ZNF462: variants seen among roughly 807,000 people sequenced by gnomAD.
ZNF462 encodes zinc finger PBX1-interacting protein.
ZNF462 carries 10 observed loss-of-function variants against 201.9 expected under a neutral mutation model. The ratio of observed to expected loss-of-function variants is 0.05; its 90% CI spans 0.03 to 0.08. ZNF462 has a LOEUF of 0.08. Among genes scored for constraint, ZNF462 ranks in the 10% least tolerant of loss-of-function variants. The probability of loss-of-function intolerance (pLI) is 1.00; values close to 1 mark genes in which losing one functional copy is unlikely to be tolerated. For missense variants in ZNF462, 2,523 were observed against 3,168.3 expected, an observed-to-expected ratio of 0.80 and a Z score of 4.89; for synonymous variants, 1,227 against 1,193.3, an observed-to-expected ratio of 1.03 and a Z score of -0.58.
Position 106,972,347 on chromosome 9 carries a change from AC to A in ZNF462, c.6695+76del, listed in dbSNP as rs1826666031. 1 of 1,544,592 alleles carries A rather than the reference AC, an allele frequency of 6.5e-7. No homozygotes were observed. The highest frequency in any genetic ancestry group is 1.3e-5 in the South Asian group (1 of 78,530). ...CCACCCCTCACTGCAGGCTTCCCTT[AC>A]ACTTTCCTACTTGGAGCTTATGGGA... On this transcript the variant is annotated intron_variant, in intron 8 of 12. Transcript: ENST00000277225. The surrounding 1 kb of genome is among the most constrained non-coding windows in gnomAD (Gnocchi z 4.8).
intron 5 of ZNF462, among the ~76,000 whole-genome samples, chr9:106,934,220 A>G (rs1190487923): frequency 6.6e-6 from 1 of 151,958 alleles, no homozygotes; most frequent in African/African-American, 2.4e-5. Flanking sequence ...TAATTTGCCC[A>G]AGGACACACA....
rs765228584 is a variant in ZNF462 at position 106,928,817 on chromosome 9, T to TGAG, written c.4913_4915dup (p.Glu1638dup). ...TGAGCCCTTCCCAAGTCTCCATCAC[T>TGAG]GAGGAGGAGGTGGGAGAGGAGCCCG... On this transcript the variant is annotated inframe_insertion, in exon 3 of 13. Transcript: ENST00000277225. The surrounding 1 kb of genome is among the most constrained non-coding windows in gnomAD (Gnocchi z 9.3). 2.2e-5 allele frequency: 35 copies of TGAG among 1,614,020 alleles called. No homozygotes were observed. The Middle Eastern group carries it at 4.9e-4, about 23-fold the overall frequency.
At chr9:106,887,089 G>A (rs1213655474) in intron 1 of ZNF462, among the ~76,000 whole-genome samples, 1 of 152,178 alleles carries the variant, frequency 6.6e-6, no homozygotes, top group Non-Finnish European at 1.5e-5. Flanking sequence ...TTAGTCAAGG[G>A]CAGAGAATCT....
Position 106,972,092 on chromosome 9 carries a change from G to T in ZNF462, c.6515G>T (p.Ser2172Ile). The change falls in exon 8 of 13, where the codon AGC (serine) becomes ATC (isoleucine). Residue 2172 changes from serine (S) to isoleucine (I), a missense_variant. This residue lies in a region of ZNF462 where 138 missense variants were observed against 146.3 expected (regional missense o/e 0.94). Coordinates refer to ENST00000277225, the MANE Select transcript of ZNF462 (RefSeq NM_021224.6). The surrounding 1 kb of genome is among the most constrained non-coding windows in gnomAD (Gnocchi z 4.8). ...CTGGCAAGGAACAACAGCCGTGTTAGCCCTGTGCCTCTTTCTGGGGCTGCT... is the reference window on the plus strand; with the variant it reads ...CTGGCAAGGAACAACAGCCGTGTTATCCCTGTGCCTCTTTCTGGGGCTGCT... ...AALARNNSRVSPVPLSGAAAG... is the reference protein window; with the variant it reads ...AALARNNSRVIPVPLSGAAAG... 1 of 1,614,178 alleles carries T rather than the reference G, an allele frequency of 6.2e-7. No individual in the cohort carries two copies. Among genetic ancestry groups the T allele is most frequent in the Non-Finnish European group, 8.5e-7 (1 of 1,180,020 alleles).
chr9:106,975,190 T>C (rs1310837971), intron 9 of ZNF462: 1 of 152,210 alleles, frequency 6.6e-6, no homozygotes, highest in Non-Finnish European at 1.5e-5. Flanking sequence ...GATCTTTCCA[T>C]CTACTTCATT....
rs1220905124 is a variant in ZNF462, at chr9:107,009,889, A to G, written c.7313+221A>G. Among the ~76,000 whole-genome samples the G allele has an allele frequency of 1.3e-5, 2 of 152,192 alleles. No individual in the cohort carries two copies. The highest frequency in any genetic ancestry group is 2.9e-5 in the Non-Finnish European group (2 of 68,040). ...TCAAATAGGGAAAAAAATCGTCTTT[A>G]TGAATGATCAGTCCTGCTCAAGCCT... On this transcript the variant is annotated intron_variant, in intron 12 of 12. Transcript: ENST00000277225. The surrounding 1 kb of genome is among the most constrained non-coding windows in gnomAD (Gnocchi z 6.1).
chr9:106,984,074 G>T lies in ZNF462; in HGVS notation c.6833-112G>T. Reference sequence around the variant, plus strand: ...GCATGTGTGTCAGTTCAAGGAACCAGATCCACGAGGAGCAGCAAGATTGGG... The same window carrying T: ...GCATGTGTGTCAGTTCAAGGAACCATATCCACGAGGAGCAGCAAGATTGGG... On this transcript the variant is annotated intron_variant, in intron 9 of 12. Coordinates refer to ENST00000277225, the MANE Select transcript of ZNF462 (RefSeq NM_021224.6). This position sits in a 1 kb window ranked among gnomAD's most constrained non-coding sequence, Gnocchi z 6.4. 1 of 971,782 alleles carries T rather than the reference G, an allele frequency of 1.0e-6. No homozygotes were observed. 60.2% of individuals were successfully genotyped at this position (971,782 alleles called of 1,614,324 possible). A position where few individuals can be genotyped will look rare whatever the true frequency, so the allele number is the denominator to read the frequency against.
chr9:106,991,839 T>C (rs7848186), intron 10 of ZNF462, among the ~76,000 whole-genome samples: 8,219 of 136,392 alleles, frequency 0.06, 611 homozygotes, highest in African/African-American at 0.17. Context: ...CAGCACTCTC[T>C]ACACACACAC....
Position 106,898,436 on chromosome 9 carries a change from AT to A in ZNF462, c.-30-24915del, listed in dbSNP as rs1418693010. On this transcript the variant is annotated intron_variant, in intron 1 of 12. Coordinates refer to ENST00000277225, the MANE Select transcript of ZNF462 (RefSeq NM_021224.6). ...CCCTTCTGGAGGTGGAGGGGGGGTCATTTGGTAGTGTCTCCAGAGAGACAGT... is the reference window on the plus strand; with the variant it reads ...CCCTTCTGGAGGTGGAGGGGGGGTCATTGGTAGTGTCTCCAGAGAGACAGT... Among the ~76,000 whole-genome samples, 11 of 152,104 alleles carry A rather than the reference AT, an allele frequency of 7.2e-5. No individual in the cohort carries two copies. In the South Asian group the frequency reaches 2.3e-3, roughly 32 times the overall value.
chr9:106,972,327 C>T lies in ZNF462; in HGVS notation c.6695+55C>T. 1 of 1,572,522 alleles carries T rather than the reference C, an allele frequency of 6.4e-7. No individual in the cohort carries two copies. Among genetic ancestry groups the T allele is most frequent in the Non-Finnish European group, 8.6e-7 (1 of 1,159,052 alleles). On this transcript the variant is annotated intron_variant, in intron 8 of 12. Transcript: ENST00000277225. This position sits in a 1 kb window ranked among gnomAD's most constrained non-coding sequence, Gnocchi z 4.8. The stretch of plus-strand genomic sequence containing the variant: ...ACAAGGCGGCCGCCCCTGCTCCACC[C>T]CTCACTGCAGGCTTCCCTTACACTT...
chr9:106,913,774 G>T lies in ZNF462; in HGVS notation c.-30-9580G>T, dbSNP rs1829651604. On this transcript the variant is annotated intron_variant, in intron 1 of 12. Coordinates refer to ENST00000277225, the MANE Select transcript of ZNF462 (RefSeq NM_021224.6). This position sits in a 1 kb window ranked among gnomAD's most constrained non-coding sequence, Gnocchi z 4.1. Reference sequence around the variant, plus strand: ...CACCAAGCCCGGCTAATTTTTGTGTGTGTTTTTAATAGAGAAGAGGTTTTA... The same window carrying T: ...CACCAAGCCCGGCTAATTTTTGTGTTTGTTTTTAATAGAGAAGAGGTTTTA... Among the ~76,000 whole-genome samples, 1 of 150,196 alleles carries T rather than the reference G, an allele frequency of 6.7e-6. No homozygotes were observed. Among genetic ancestry groups the T allele is most frequent in the Non-Finnish European group, 1.5e-5 (1 of 67,278 alleles).
At chr9:106,915,020 G>T (rs1443934085) in intron 1 of ZNF462, among the ~76,000 whole-genome samples, 1 of 152,046 alleles carries the variant, frequency 6.6e-6, no homozygotes, top group African/African-American at 2.4e-5. Flanking sequence ...CAGGTCCTTT[G>T]TACAAAAAGG....
Position 106,930,582 on chromosome 9 carries a change from A to C in ZNF462, c.5905A>C (p.Lys1969Gln). 6.2e-7 allele frequency: 1 copy of C among 1,614,192 alleles called. No individual in the cohort carries two copies. The highest frequency in any genetic ancestry group is 2.2e-5 in the East Asian group (1 of 44,884). The change falls in exon 4 of 13, where the codon AAA (lysine) becomes CAA (glutamine). Residue 1969 changes from lysine to glutamine, a missense_variant. By Grantham distance (53) the Lys-to-Gln change is moderately conservative. Transcript: ENST00000277225. This position sits in a 1 kb window ranked among gnomAD's most constrained non-coding sequence, Gnocchi z 5.8. ...KIKERKVVGYKCKFCVEVHPT... is the reference protein window; with the variant it reads ...KIKERKVVGYQCKFCVEVHPT... Reference sequence around the variant, plus strand: ...CAAGGAGAGGAAAGTGGTGGGCTACAAATGTAAATTCTGTGTGGAAGTGCA... The same window carrying C: ...CAAGGAGAGGAAAGTGGTGGGCTACCAATGTAAATTCTGTGTGGAAGTGCA...
Position 106,868,492 on chromosome 9 carries a change from T to C in ZNF462, c.-31+5137T>C, listed in dbSNP as rs73668703. Among the ~76,000 whole-genome samples the C allele has an allele frequency of 3.6e-3, 549 of 152,352 alleles. 4 individuals carry two copies. Among genetic ancestry groups the C allele is most frequent in the African/African-American group, 0.012 (518 of 41,582 alleles). ...TGAGGAGCAAAAATATTATTTCTCA[T>C]GCAGAAATTACCAAAATTATTTTAA... On this transcript the variant is annotated intron_variant, in intron 1 of 12. Transcript: ENST00000277225.
intron 1 of ZNF462, among the ~76,000 whole-genome samples, chr9:106,912,618 A>AT (rs892327329): frequency 3.3e-5 from 5 of 151,958 alleles, no homozygotes; most frequent in Admixed American, 1.3e-4. Flanking sequence ...AATTCAAAAG[A>AT]TTTTTTTTCT....
rs142173420 is a variant in ZNF462 at position 106,926,627 on chromosome 9, T to C, written c.2715T>C (p.Tyr905=). 24 of 1,613,986 alleles carry C rather than the reference T, an allele frequency of 1.5e-5. No homozygotes were observed. Among genetic ancestry groups the C allele is most frequent in the Non-Finnish European group, 2.0e-5 (24 of 1,180,038 alleles). The change falls in exon 3 of 13, where the codon TAT becomes TAC. Residue 905 remains tyrosine, a synonymous_variant. Coordinates refer to ENST00000277225, the MANE Select transcript of ZNF462 (RefSeq NM_021224.6). This position sits in a 1 kb window ranked among gnomAD's most constrained non-coding sequence, Gnocchi z 7.9. ...YTNFEDLQQH[Y]GEHHPEAMNV... is the part of the protein sequence containing the mutation. ...ACTTCGAAGATCTCCAGCAGCATTA[T>C]GGCGAGCACCACCCAGAAGCCATGA...
rs369230954 is a variant in ZNF462, at chr9:106,927,624, G to A, written c.3712G>A (p.Asp1238Asn). Residue 1238 changes from aspartate (D) to asparagine (N), a missense_variant, in exon 3 of 13, where the codon GAC (aspartate) becomes AAC (asparagine). Transcript: ENST00000277225. Reference protein sequence around the residue: ...QHTATIRSLCDRNQKKPASCV... With the variant: ...QHTATIRSLCNRNQKKPASCV... ...TACGGCCACCATTCGAAGCCTCTGC[G>A]ACCGAAATCAGAAGAAGCCTGCCAG... 102 of 1,613,758 alleles carry A rather than the reference G, an allele frequency of 6.3e-5. No individual in the cohort carries two copies. The highest frequency in any genetic ancestry group is 7.4e-5 in the Non-Finnish European group (87 of 1,180,002).
chr9:106,954,780 C>G lies in ZNF462; in HGVS notation c.6427+15673C>G, dbSNP rs1208151476. 6.6e-6 allele frequency among the ~76,000 whole-genome samples: 1 copy of G among 152,118 alleles called. No individual in the cohort carries two copies. The highest frequency in any genetic ancestry group is 1.5e-5 in the Non-Finnish European group (1 of 68,026). Reference sequence around the variant, plus strand: ...TGTGAGTCAACTCTTCCTCTGAAATCCCTCAATGCTGTGCCCTACCTCTCT... The same window carrying G: ...TGTGAGTCAACTCTTCCTCTGAAATGCCTCAATGCTGTGCCCTACCTCTCT... On this transcript the variant is annotated intron_variant, in intron 7 of 12. Transcript: ENST00000277225. This position sits in a 1 kb window ranked among gnomAD's most constrained non-coding sequence, Gnocchi z 4.0.
chr9:106,901,575 G>A (rs1242821683), intron 1 of ZNF462, among the ~76,000 whole-genome samples: 2 of 152,064 alleles, frequency 1.3e-5, no homozygotes, highest in Non-Finnish European at 2.9e-5. Flanking sequence ...TTTTGTTTGT[G>A]TCATCTATAA....
Sources: gnomAD v4.1 joint callset for allele counts (sites outside exome capture counted in the v4.1 genomes callset) on GRCh38, gnomAD v4.1.1 for gene constraint, gnomAD v4.1.1 regional missense constraint, Gnocchi (gnomAD v3.1) non-coding constraint, MANE v1.5 for transcripts, NCBI Gene and HGNC (gene_info 2026-07-23, HGNC 2026-07-21) for gene names.